PHF11: variants seen among roughly 807,000 people sequenced by gnomAD.
The protein encoded by PHF11 is PHD finger protein 11.
A neutral mutation model predicts 40.5 loss-of-function variants in PHF11; 38 were observed. The ratio of observed to expected loss-of-function variants is 0.94; its 90% CI spans 0.72 to 1.23. The LOEUF (loss-of-function observed/expected upper bound fraction) is 1.23. Among genes scored for constraint, PHF11 ranks in the 50% most tolerant of loss-of-function variants. The probability of loss-of-function intolerance (pLI) is 0.00; values close to 1 mark genes in which losing one functional copy is unlikely to be tolerated. For missense variants in PHF11, 369 were observed against 392.4 expected, an observed-to-expected ratio of 0.94 and a Z score of 0.50; for synonymous variants, 127 against 138.2, an observed-to-expected ratio of 0.92 and a Z score of 0.57.
At chr13:49,522,201 C>G (rs1199756217) in intron 6 of PHF11, 94 bp downstream of exon 6, 3 of 662,364 alleles carry the variant, frequency 4.5e-6, no homozygotes, top group Non-Finnish European at 8.1e-6. Flanking sequence ...CTTTCCAAAT[C>G]GTCCAAACAG....
intron 1 of PHF11, chr13:49,496,395 C>G: frequency 8.9e-7 from 1 of 1,124,766 alleles, no homozygotes; most frequent in Non-Finnish European, 1.1e-6. Context: ...GGGTGACAGC[C>G]CAGTGCTTCC....
intron 1 of PHF11, among the ~76,000 whole-genome samples, chr13:49,505,652 C>T (rs2139039316): frequency 6.6e-6 from 1 of 152,316 alleles, no homozygotes. Context: ...TAGCAAATAA[C>T]CAGTTCAAAA....
At chr13:49,524,243 G>A (rs769418867) in intron 8 of PHF11, 27 bp downstream of exon 8, 2 of 1,535,540 alleles carry the variant, frequency 1.3e-6, no homozygotes, top group Non-Finnish European at 1.8e-6. Context: ...ATATTTCGAA[G>A]TATAGAGACT....
chr13:49,528,809 T>C lies in PHF11; in HGVS notation c.*144T>C, dbSNP rs1392849203. 1 of 606,076 alleles carries C rather than the reference T, an allele frequency of 1.6e-6. No individual in the cohort carries two copies. The highest frequency in any genetic ancestry group is 2.9e-6 in the Non-Finnish European group (1 of 346,372). 37.5% of individuals were successfully genotyped at this position (606,076 alleles called of 1,614,324 possible). On this transcript the variant is annotated 3_prime_UTR_variant, in exon 10 of 10. Transcript: ENST00000378319. The stretch of plus-strand genomic sequence containing the variant: ...TCTTCCCTGTTCTTACTGGTTGACA[T>C]TTTGATCACTCTTTGCACACTCTTG...
At chr13:49,526,487 C>G in intron 9 of PHF11, 29 bp downstream of exon 9, 5 of 1,166,412 alleles carry the variant, frequency 4.3e-6, no homozygotes, top group Non-Finnish European at 6.4e-6. Context: ...ATCTGAGCAG[C>G]ATAGTTTTGA....
intron 8 of PHF11, 196 bp from the exon 9 acceptor site, chr13:49,526,182 AAAAAAAAAG>A: frequency 2.1e-6 from 1 of 480,132 alleles, no homozygotes; most frequent in East Asian, 3.6e-5. Flanking sequence ...AAAAAAAAAA[AAAAAAAAAG>A]AAAAAAGAGA....
Position 49,495,974 on chromosome 13 carries a change from G to A in PHF11, c.-28G>A, listed in dbSNP as rs1178433019. ...GGGCACTTCCGGGATCTCGCTATCC[G>A]GCCGCCACCCGCAGCTGCAGCACAG... On this transcript the variant is annotated 5_prime_UTR_variant, in exon 1 of 10. Coordinates refer to ENST00000378319, the MANE Select transcript of PHF11 (RefSeq NM_001040443.3). 2.1e-6 allele frequency: 3 copies of A among 1,456,866 alleles called. No homozygotes were observed. Among genetic ancestry groups the A allele is most frequent in the African/African-American group, 2.9e-5 (2 of 68,364 alleles). The allele number at this position is 1,456,866 out of a possible 1,614,324, so 90.2% of individuals were successfully genotyped here.
chr13:49,512,669 G>A (rs1458548308), intron 2 of PHF11, among the ~76,000 whole-genome samples: 2 of 152,166 alleles, frequency 1.3e-5, no homozygotes, highest in Non-Finnish European at 2.9e-5. Flanking sequence ...AAGCCATTGG[G>A]AACCTAGAAT....
chr13:49,520,185 T>A (rs6561531), intron 4 of PHF11, among the ~76,000 whole-genome samples: 106,459 of 151,972 alleles, frequency 0.7, 37,837 homozygotes, highest in East Asian at 0.87. Context: ...AGTAGCTGGG[T>A]CTACAGGCAC....
chr13:49,517,493 A>T (rs1057473113), intron 3 of PHF11, among the ~76,000 whole-genome samples: 14 of 152,234 alleles, frequency 9.2e-5, no homozygotes, highest in Non-Finnish European at 1.9e-4. Flanking sequence ...ATTTTTAAAA[A>T]TTTTTGGCCC....
At chr13:49,510,328 TAAC>T (rs1019058893) in intron 2 of PHF11, among the ~76,000 whole-genome samples, 4 of 152,078 alleles carry the variant, frequency 2.6e-5, no homozygotes, top group African/African-American at 9.7e-5. Context: ...CCTGGCCTAA[TAAC>T]ATTTTTTATA....
intron 5 of PHF11, 105 bp from the exon 6 acceptor site, chr13:49,521,936 CTT>C (rs1959189968): frequency 1.8e-6 from 1 of 563,662 alleles, no homozygotes; most frequent in African/African-American, 1.9e-5. Flanking sequence ...TTTGCCATAT[CTT>C]TTGACTTTGT....
At chr13:49,521,080 C>T in intron 5 of PHF11, 140 bp downstream of exon 5, 2 of 1,387,204 alleles carry the variant, frequency 1.4e-6, no homozygotes, top group Non-Finnish European at 1.9e-6. Flanking sequence ...AGAAAATTGA[C>T]AACTTCTTTG....
rs1453810117 is a variant in PHF11 at position 49,528,873 on chromosome 13, G to A, written c.*208G>A. The A allele has an allele frequency of 6.4e-6, 3 of 465,392 alleles. No homozygotes were observed. The highest frequency in any genetic ancestry group is 7.6e-6 in the Non-Finnish European group (2 of 263,980). The allele number at this position is 465,392 out of a possible 1,614,324, so 28.8% of individuals were successfully genotyped here. On this transcript the variant is annotated 3_prime_UTR_variant, in exon 10 of 10. Coordinates refer to ENST00000378319, the MANE Select transcript of PHF11 (RefSeq NM_001040443.3). ...CTGTCACATTCCCAGCACCTAGTAT[G>A]CTCAGTAAATGTTTGTGGAATAAGT... is the stretch of plus-strand genomic sequence containing the variant.
chr13:49,496,120 C>A (rs1185677406), intron 1 of PHF11, 25 bp downstream of exon 1: 3 of 212,396 alleles, frequency 1.4e-5, no homozygotes, highest in Non-Finnish European at 1.7e-5. Context: ...GGCGGGCGGG[C>A]GGGCGGGCGG....
At chr13:49,519,037 G>A (rs868027106) in intron 4 of PHF11, among the ~76,000 whole-genome samples, 2 of 151,880 alleles carry the variant, frequency 1.3e-5, no homozygotes, top group Middle Eastern at 3.4e-3. Context: ...GGGTTTCACC[G>A]TGTTAGCCAG....
At chr13:49,510,546 T>C (rs1959069628) in intron 2 of PHF11, among the ~76,000 whole-genome samples, 1 of 152,160 alleles carries the variant, frequency 6.6e-6, no homozygotes. Context: ...GGCATAATCA[T>C]AGCTCACTGC....
intron 1 of PHF11, among the ~76,000 whole-genome samples, chr13:49,498,491 G>T (rs12584665): frequency 0.02 from 2,986 of 151,988 alleles, 48 homozygotes; most frequent in South Asian, 0.058. Flanking sequence ...ATTTCAGATA[G>T]ATCATTCTGA....
intron 1 of PHF11, chr13:49,497,038 A>C (rs2139021093): frequency 8.1e-7 from 1 of 1,232,720 alleles, no homozygotes; most frequent in Non-Finnish European, 1.0e-6. Flanking sequence ...TCCATGTTTC[A>C]TGGGCTTACC....
Sources: allele counts gnomAD v4.1 joint callset (sites outside exome capture counted in the v4.1 genomes callset), GRCh38; gene constraint gnomAD v4.1.1; transcripts MANE v1.5; gene names NCBI Gene and HGNC (gene_info 2026-07-23, HGNC 2026-07-21).